RNLS: variants seen among roughly 807,000 people sequenced by gnomAD.
RNLS encodes the protein renalase, FAD dependent amine oxidase, also known as renalase.
In RNLS, 39 loss-of-function variants were observed where a neutral mutation model predicts 39.8. That is an observed-to-expected ratio of 0.98 (90% CI 0.76 to 1.28). The LOEUF (loss-of-function observed/expected upper bound fraction) is 1.28, where lower values mean the gene tolerates loss of function less well. Among genes scored for constraint, RNLS ranks in the 50% most tolerant of loss-of-function variants. The pLI, the probability that RNLS is intolerant of heterozygous loss-of-function variation, is 0.00. For synonymous variants in RNLS, 147 were observed against 150.7 expected (o/e 0.98, Z 0.18); for missense variants, 410 against 413.3 (o/e 0.99, Z 0.07).
chr10:88,225,927 A>G, the RNLS span, among the ~76,000 whole-genome samples: 1 of 150,914 alleles, frequency 6.6e-6, no homozygotes, highest in African/African-American at 2.4e-5. Flanking sequence ...TTTTTTTTTC[A>G]TCTCACTAAG....
intron 4 of RNLS, among the ~76,000 whole-genome samples, chr10:88,494,648 G>C (rs113705651): frequency 6.6e-6 from 1 of 152,058 alleles, no homozygotes; most frequent in African/African-American, 2.4e-5. Context: ...TTTTCAAGGA[G>C]TAATATTACC....
At chr10:88,512,449 A>G (rs553411198) in intron 4 of RNLS, among the ~76,000 whole-genome samples, 2 of 152,166 alleles carry the variant, frequency 1.3e-5, no homozygotes, top group Admixed American at 1.3e-4. Flanking sequence ...TCATTACTTC[A>G]CAGATACTCA....
At chr10:88,468,482 G>T (rs775785662) in intron 4 of RNLS, among the ~76,000 whole-genome samples, 1 of 152,122 alleles carries the variant, frequency 6.6e-6, no homozygotes, top group Non-Finnish European at 1.5e-5. Context: ...CCCTGGATTG[G>T]TAAGTGGCAT....
intron 4 of RNLS, among the ~76,000 whole-genome samples, chr10:88,407,713 G>T (rs1853378495): frequency 6.6e-6 from 1 of 152,000 alleles, no homozygotes; most frequent in African/African-American, 2.4e-5. Flanking sequence ...CCTAACCTAG[G>T]GAATCACAAT....
At chr10:88,476,275 A>G (rs985485150) in intron 4 of RNLS, among the ~76,000 whole-genome samples, 3 of 152,164 alleles carry the variant, frequency 2.0e-5, no homozygotes, top group Non-Finnish European at 2.9e-5. Context: ...CTTCTAATGC[A>G]TTGATGACTT....
chr10:88,240,317 C>T, the RNLS span, among the ~76,000 whole-genome samples: 55 of 152,076 alleles, frequency 3.6e-4, no homozygotes, highest in African/African-American at 9.9e-4. Flanking sequence ...CTCTGCCTGG[C>T]GCAGTACTAG....
At position 88,285,078 on chromosome 10, in the gene RNLS, T is replaced by C; in HGVS notation, c.*276A>G. ...AATGTAATTTTTTTGAGAGAGTCGT[T>C]TGTTATTTTTTAAGTACCACTTTTC... On this transcript the variant is annotated 3_prime_UTR_variant, in exon 7 of 7. Coordinates refer to ENST00000331772, the MANE Select transcript of RNLS (RefSeq NM_001031709.3). 1.3e-6 allele frequency: 1 copy of C among 777,658 alleles called. No homozygotes were observed. Among genetic ancestry groups the C allele is most frequent in the Non-Finnish European group, 1.6e-6 (1 of 640,556 alleles). The allele number at this position is 777,658 out of a possible 1,614,324, so 48.2% of individuals were successfully genotyped here. A position where few individuals can be genotyped will look rare whatever the true frequency, so the allele number is the denominator to read the frequency against.
At chr10:88,184,739 C>G in the RNLS span, among the ~76,000 whole-genome samples, 1 of 152,116 alleles carries the variant, frequency 6.6e-6, no homozygotes, top group Admixed American at 6.6e-5. Flanking sequence ...GAATGTCATA[C>G]CAAGCTGATC....
chr10:88,340,579 G>A (rs953615275), intron 5 of RNLS, among the ~76,000 whole-genome samples: 10 of 151,972 alleles, frequency 6.6e-5, no homozygotes, highest in African/African-American at 2.4e-4. Context: ...AAAAGACATT[G>A]TTTTATGATA....
the RNLS span, among the ~76,000 whole-genome samples, chr10:88,220,740 T>C: frequency 1.3e-5 from 2 of 152,202 alleles, no homozygotes; most frequent in African/African-American, 4.8e-5. Flanking sequence ...TAAGACAGCA[T>C]GTTTATTCAT....
intron 4 of RNLS, among the ~76,000 whole-genome samples, chr10:88,450,341 C>A (rs1349698476): frequency 6.6e-6 from 1 of 152,150 alleles, no homozygotes; most frequent in Non-Finnish European, 1.5e-5. Flanking sequence ...CAAGGTAGAG[C>A]CAGGGAAGCC....
rs1180161766 is a variant in RNLS at position 88,542,780 on chromosome 10, C to T, written c.526+30123G>A. ...AGAAGCATATTTGATTACAAAGGGC[C>T]CCTAGAGCAGTAAAGCACTTGGAAG... On this transcript the variant is annotated intron_variant, in intron 4 of 6. Coordinates refer to ENST00000331772, the MANE Select transcript of RNLS (RefSeq NM_001031709.3). Among the ~76,000 whole-genome samples, 7 of 152,120 alleles carry T rather than the reference C, an allele frequency of 4.6e-5. No individual in the cohort carries two copies. The East Asian group carries it at 1.4e-3, about 29-fold the overall frequency.
chr10:88,581,526 T>C (rs756439665), intron 3 of RNLS, 41 bp downstream of exon 3: 9 of 1,546,216 alleles, frequency 5.8e-6, no homozygotes, highest in Non-Finnish European at 7.9e-6. Flanking sequence ...TGTTTTTAAA[T>C]GCTAATTTTA....
chr10:88,445,954 C>G (rs1469918318), intron 4 of RNLS, among the ~76,000 whole-genome samples: 1 of 152,178 alleles, frequency 6.6e-6, no homozygotes, highest in Admixed American at 6.5e-5. Context: ...CAGCTCTGCA[C>G]CAAGCGGACC....
chr10:88,464,988 C>T (rs1843124035), intron 4 of RNLS, among the ~76,000 whole-genome samples: 1 of 152,072 alleles, frequency 6.6e-6, no homozygotes. Context: ...AAACCACTAG[C>T]CATGGCTTGG....
At chr10:88,473,922 A>G (rs1843675928) in intron 4 of RNLS, among the ~76,000 whole-genome samples, 1 of 152,028 alleles carries the variant, frequency 6.6e-6, no homozygotes, top group Non-Finnish European at 1.5e-5. Flanking sequence ...CCTGGTTGTC[A>G]GTGCAGAAGA....
the RNLS span, among the ~76,000 whole-genome samples, chr10:88,191,929 T>C: frequency 6.6e-6 from 1 of 151,920 alleles, no homozygotes; most frequent in Admixed American, 6.6e-5. Context: ...GTTGGCATTA[T>C]CTACTGTGGC....
chr10:88,462,989 A>G (rs1843012838), intron 4 of RNLS, among the ~76,000 whole-genome samples: 1 of 152,066 alleles, frequency 6.6e-6, no homozygotes, highest in African/African-American at 2.4e-5. Context: ...TGATTAAAGT[A>G]AATACTTGCC....
chr10:88,391,239 T>C (rs558149637), intron 4 of RNLS, among the ~76,000 whole-genome samples: 4 of 152,280 alleles, frequency 2.6e-5, no homozygotes, highest in South Asian at 4.1e-4. Context: ...AAATTACAAT[T>C]AGGCAATCAT....
Sources: gnomAD v4.1 joint callset for allele counts (sites outside exome capture counted in the v4.1 genomes callset) on GRCh38, gnomAD v4.1.1 for gene constraint, MANE v1.5 for transcripts, NCBI Gene and HGNC (gene_info 2026-07-23, HGNC 2026-07-21) for gene names.